PPP2R5E: variants seen among roughly 807,000 people sequenced by gnomAD.
PPP2R5E encodes protein phosphatase 2 regulatory subunit B'epsilon.
A neutral mutation model predicts 65.3 loss-of-function variants in PPP2R5E; 4 were observed. The observed-to-expected ratio is 0.06, with a 90% CI of 0.03 to 0.14. PPP2R5E has a LOEUF of 0.14. PPP2R5E is among the 10% of genes least tolerant of loss of function. The pLI is 1.00. For synonymous variants in PPP2R5E, 183 were observed against 187.4 expected (o/e 0.98, Z 0.19); for missense variants, 274 against 556.1 (o/e 0.49, Z 5.10).
intron 5 of PPP2R5E, among the ~76,000 whole-genome samples, chr14:63,410,391 T>C (rs1003127640): frequency 1.3e-5 from 2 of 150,566 alleles, no homozygotes; most frequent in Non-Finnish European, 3.0e-5. Context: ...CAAGCGGGGG[T>C]GTGAAAAAGA....
chr14:63,504,869 T>A (rs565292632), intron 2 of PPP2R5E, among the ~76,000 whole-genome samples: 1 of 152,304 alleles, frequency 6.6e-6, no homozygotes, highest in East Asian at 1.9e-4. Context: ...AAGTTCCTAA[T>A]GCAATGTTTG....
intron 4 of PPP2R5E, among the ~76,000 whole-genome samples, chr14:63,420,294 G>T (rs1490591586): frequency 6.6e-6 from 1 of 152,096 alleles, no homozygotes; most frequent in Non-Finnish European, 1.5e-5. Flanking sequence ...GTAATTCAAT[G>T]AACTGTCACC....
In PPP2R5E at chr14:63,374,445, T is replaced by G. The variant is rs1267747585; in HGVS notation, c.*1564A>C. Reference sequence around the variant, plus strand: ...ACTGCTGGAAGTGATGGTTTAGGATTACCAACTCACTGCTGCCATGACCAA... The same window carrying G: ...ACTGCTGGAAGTGATGGTTTAGGATGACCAACTCACTGCTGCCATGACCAA... On this transcript the variant is annotated 3_prime_UTR_variant, in exon 14 of 14. Coordinates refer to ENST00000337537, the MANE Select transcript of PPP2R5E (RefSeq NM_006246.5). 1 of 151,770 alleles carries G rather than the reference T, an allele frequency of 6.6e-6. No individual in the cohort carries two copies. Among genetic ancestry groups the G allele is most frequent in the Non-Finnish European group, 1.5e-5 (1 of 67,946 alleles). 9.4% of individuals were successfully genotyped at this position (151,770 alleles called of 1,614,324 possible).
intron 2 of PPP2R5E, among the ~76,000 whole-genome samples, chr14:63,505,751 C>G (rs1218234896): frequency 6.6e-6 from 1 of 152,198 alleles, no homozygotes; most frequent in Admixed American, 6.5e-5. Context: ...AGGCAACATT[C>G]AGTGACCGTC....
intron 4 of PPP2R5E, among the ~76,000 whole-genome samples, chr14:63,418,097 G>T (rs1468060152): frequency 6.6e-6 from 1 of 152,102 alleles, no homozygotes; most frequent in Non-Finnish European, 1.5e-5. Context: ...TAATGATCCG[G>T]ACGTTGCCAA....
chr14:63,430,369 A>ACATGCATACATACATACATG (rs1566696381), intron 3 of PPP2R5E, among the ~76,000 whole-genome samples: 4 of 135,038 alleles, frequency 3.0e-5, no homozygotes, highest in African/African-American at 1.3e-4. Flanking sequence ...ATACATACAT[A>ACATGCATACATACATACATG]CATGCATGCA....
Position 63,459,755 on chromosome 14 carries a change from C to T in PPP2R5E, c.158-5870G>A, listed in dbSNP as rs529942795. On this transcript the variant is annotated intron_variant, in intron 2 of 13. Coordinates refer to ENST00000337537, the MANE Select transcript of PPP2R5E (RefSeq NM_006246.5). ...CTCCAGTGATTTCAGTATGTCACTACGGTTAAAAACCACCGTTTTTAAAGT... is the reference window on the plus strand; with the variant it reads ...CTCCAGTGATTTCAGTATGTCACTATGGTTAAAAACCACCGTTTTTAAAGT... Among the ~76,000 whole-genome samples, 17 of 152,274 alleles carry T rather than the reference C, an allele frequency of 1.1e-4. No homozygotes were observed. In the South Asian group the frequency reaches 2.5e-3, roughly 22 times the overall value.
In PPP2R5E at chr14:63,421,531, G is replaced by A. The variant is rs536835315; in HGVS notation, c.456+462C>T. On this transcript the variant is annotated intron_variant, in intron 4 of 13. Coordinates refer to ENST00000337537, the MANE Select transcript of PPP2R5E (RefSeq NM_006246.5). The stretch of plus-strand genomic sequence containing the variant: ...TACTCTTCCTTACAGTACTGTGAAC[G>A]AAATAGCTATTACAGTTTGGTTTTG... Among the ~76,000 whole-genome samples, 19 of 152,230 alleles carry A rather than the reference G, an allele frequency of 1.2e-4. No homozygotes were observed. In the South Asian group the frequency reaches 2.1e-3, roughly 17 times the overall value.
At chr14:63,514,695 T>C (rs1892595342) in intron 2 of PPP2R5E, among the ~76,000 whole-genome samples, 1 of 152,148 alleles carries the variant, frequency 6.6e-6, no homozygotes. Flanking sequence ...GGGGGCACTA[T>C]CCTAGACAGC....
At chr14:63,377,285 G>T (rs1208168492) in intron 13 of PPP2R5E, among the ~76,000 whole-genome samples, 1 of 152,150 alleles carries the variant, frequency 6.6e-6, no homozygotes, top group Non-Finnish European at 1.5e-5. Context: ...ACTTAGCAAG[G>T]ATTAAAACTT....
At chr14:63,460,645 T>G (rs1009578028) in intron 2 of PPP2R5E, among the ~76,000 whole-genome samples, 8 of 152,220 alleles carry the variant, frequency 5.3e-5, no homozygotes, top group Non-Finnish European at 1.2e-4. Flanking sequence ...AATAACATAT[T>G]AATTATTCTT....
intron 3 of PPP2R5E, among the ~76,000 whole-genome samples, chr14:63,443,815 C>T (rs1888351030): frequency 6.6e-6 from 1 of 152,212 alleles, no homozygotes; most frequent in Non-Finnish European, 1.5e-5. Context: ...ACTCCTTCCT[C>T]TCTCACACTC....
chr14:63,475,146 G>T (rs1289336473), intron 2 of PPP2R5E, among the ~76,000 whole-genome samples: 2 of 152,152 alleles, frequency 1.3e-5, no homozygotes, highest in Admixed American at 6.5e-5. Context: ...TCACTTCTTT[G>T]CTTCTTTTTC....
chr14:63,430,357 A>ACATACATGCATACATG (rs1566696301), intron 3 of PPP2R5E, among the ~76,000 whole-genome samples: 4 of 128,182 alleles, frequency 3.1e-5, no homozygotes, highest in African/African-American at 1.5e-4. Flanking sequence ...ATACATACAT[A>ACATACATGCATACATG]CATACATACA....
At chr14:63,474,174 GGAA>G (rs1249096589) in intron 2 of PPP2R5E, among the ~76,000 whole-genome samples, 11 of 152,184 alleles carry the variant, frequency 7.2e-5, no homozygotes, top group Non-Finnish European at 1.2e-4. Context: ...ATAATTTACT[GGAA>G]GAAGAATTGG....
intron 5 of PPP2R5E, among the ~76,000 whole-genome samples, chr14:63,400,277 A>C (rs1885670234): frequency 6.6e-6 from 1 of 152,232 alleles, no homozygotes; most frequent in Admixed American, 6.5e-5. Flanking sequence ...AAACAAGTAA[A>C]TAAACAGCAT....
At chr14:63,489,621 G>A (rs1390010363) in intron 2 of PPP2R5E, among the ~76,000 whole-genome samples, 1 of 151,828 alleles carries the variant, frequency 6.6e-6, no homozygotes, top group Admixed American at 6.6e-5. Flanking sequence ...CATTGCCCAG[G>A]CTGGTCTTGA....
chr14:63,422,583 G>A (rs111940264), intron 3 of PPP2R5E, among the ~76,000 whole-genome samples: 4 of 152,082 alleles, frequency 2.6e-5, no homozygotes, highest in African/African-American at 7.2e-5. Flanking sequence ...AAAATTAGCC[G>A]GGCGAGGTGG....
intron 2 of PPP2R5E, among the ~76,000 whole-genome samples, chr14:63,520,838 A>C (rs7160892): frequency 0.03 from 4,161 of 137,198 alleles, 220 homozygotes; most frequent in African/African-American, 0.11. Flanking sequence ...ACATGGTGAA[A>C]CCTCATCTCT....
Sources: gnomAD v4.1 joint callset for allele counts (sites outside exome capture counted in the v4.1 genomes callset) on GRCh38, gnomAD v4.1.1 for gene constraint, MANE v1.5 for transcripts, NCBI Gene and HGNC (gene_info 2026-07-23, HGNC 2026-07-21) for gene names.